FARP1: variants seen among roughly 807,000 people sequenced by gnomAD.
FARP1 encodes FERM, ARHGEF and pleckstrin domain-containing protein 1.
Under a neutral mutation model 128.8 loss-of-function variants are expected in FARP1, and 52 were observed. The observed-to-expected ratio is 0.40, with a 90% CI of 0.32 to 0.51. The LOEUF is 0.51. FARP1 is among the 20% of genes least tolerant of loss of function. The pLI, the probability that FARP1 is intolerant of heterozygous loss-of-function variation, is 0.45. For missense variants in FARP1, 1,333 were observed against 1,367.9 expected (o/e 0.97, Z 0.40); for synonymous variants, 580 against 551.8 (o/e 1.05, Z -0.72).
chr13:98,248,271 T>C (rs755619168), intron 2 of FARP1, among the ~76,000 whole-genome samples: 1 of 149,958 alleles, frequency 6.7e-6, no homozygotes, highest in Non-Finnish European at 1.5e-5. Flanking sequence ...TGAACTCTTT[T>C]CTACTGTATT....
chr13:98,386,418 T>C (rs1303586120), intron 8 of FARP1, among the ~76,000 whole-genome samples: 1 of 152,228 alleles, frequency 6.6e-6, no homozygotes, highest in Non-Finnish European at 1.5e-5. Flanking sequence ...ATGTGTGCTC[T>C]ATTGATCATT....
chr13:98,243,570 C>A (rs1407735503), intron 2 of FARP1, among the ~76,000 whole-genome samples: 1 of 151,338 alleles, frequency 6.6e-6, no homozygotes, highest in Admixed American at 6.6e-5. Context: ...TGGTGGTGGG[C>A]GCCTGTAATC....
At chr13:98,305,906 T>G (rs1886133665) in intron 2 of FARP1, among the ~76,000 whole-genome samples, 1 of 152,166 alleles carries the variant, frequency 6.6e-6, no homozygotes, top group South Asian at 2.1e-4. Context: ...AGTTTCCCTT[T>G]TCAGTTACCC....
chr13:98,302,773 G>A (rs1885976508), intron 2 of FARP1, among the ~76,000 whole-genome samples: 1 of 152,162 alleles, frequency 6.6e-6, no homozygotes. Context: ...TGATCCCTTG[G>A]GACCAGAGTA....
At chr13:98,162,667 T>C (rs1254951964) in intron 1 of FARP1, among the ~76,000 whole-genome samples, 1 of 152,178 alleles carries the variant, frequency 6.6e-6, no homozygotes, top group East Asian at 1.9e-4. Flanking sequence ...TACTTTACCC[T>C]TCATCTACCT....
chr13:98,374,129 C>A (rs1214176678), intron 5 of FARP1, among the ~76,000 whole-genome samples: 1 of 152,082 alleles, frequency 6.6e-6, no homozygotes, highest in Non-Finnish European at 1.5e-5. Context: ...TCTGTTTATT[C>A]TAAAATAAGG....
intron 14 of FARP1, 25 bp downstream of exon 14, chr13:98,409,550 GT>G: frequency 6.5e-7 from 1 of 1,548,430 alleles, no homozygotes; most frequent in Non-Finnish European, 8.8e-7. Context: ...GCTCAAGCGC[GT>G]GTGTGGCTGT....
chr13:98,438,071 A>G (rs945250873), intron 19 of FARP1, among the ~76,000 whole-genome samples: 1 of 152,140 alleles, frequency 6.6e-6, no homozygotes, highest in Non-Finnish European at 1.5e-5. Flanking sequence ...CACATGCTCA[A>G]GTGTTTGTGG....
intron 2 of FARP1, among the ~76,000 whole-genome samples, chr13:98,320,267 G>T (rs1251428754): frequency 1.3e-5 from 2 of 152,096 alleles, no homozygotes; most frequent in Non-Finnish European, 2.9e-5. Context: ...GTACCTGATC[G>T]GCCCAGGTGT....
chr13:98,148,738 T>C (rs762913793), intron 1 of FARP1, among the ~76,000 whole-genome samples: 30 of 152,356 alleles, frequency 2.0e-4, no homozygotes, highest in Non-Finnish European at 3.2e-4. Flanking sequence ...CAATTCTGTA[T>C]TGTTCCTGTA....
chr13:98,362,707 A>G (rs1310859872), intron 3 of FARP1, among the ~76,000 whole-genome samples: 2 of 152,142 alleles, frequency 1.3e-5, no homozygotes, highest in Non-Finnish European at 2.9e-5. Context: ...AATGTGTGTC[A>G]TTGTTTGTAT....
intron 1 of FARP1, chr13:98,159,350 A>G (rs924955870): frequency 6.6e-6 from 1 of 152,268 alleles, no homozygotes; most frequent in Non-Finnish European, 1.5e-5. Context: ...TTCTTGTAGT[A>G]CAGGTGTCCC....
At chr13:98,424,236 T>G (rs979236720) in intron 16 of FARP1, among the ~76,000 whole-genome samples, 8 of 152,232 alleles carry the variant, frequency 5.3e-5, no homozygotes, top group African/African-American at 1.9e-4. Flanking sequence ...GCTGACCTAA[T>G]GATGCTAAAA....
intron 2 of FARP1, among the ~76,000 whole-genome samples, chr13:98,217,622 T>C (rs1312401865): frequency 6.6e-6 from 1 of 152,218 alleles, no homozygotes; most frequent in African/African-American, 2.4e-5. Flanking sequence ...TGAGCCTCCA[T>C]GGAGGGGCCC....
chr13:98,396,516 C>T, intron 13 of FARP1: 1 of 399,116 alleles, frequency 2.5e-6, no homozygotes, highest in Middle Eastern at 6.3e-4. Context: ...AGTCTTCAGC[C>T]CGAGCAACCT....
intron 1 of FARP1, chr13:98,177,208 GTCCT>G: frequency 6.4e-7 from 1 of 1,569,454 alleles, no homozygotes; most frequent in Non-Finnish European, 8.6e-7. Context: ...TTGGTCGGCC[GTCCT>G]TCCTGGAGAA....
chr13:98,223,524 C>T (rs1260808970), intron 2 of FARP1, among the ~76,000 whole-genome samples: 1 of 152,154 alleles, frequency 6.6e-6, no homozygotes, highest in Non-Finnish European at 1.5e-5. Flanking sequence ...TGGAGTTTCA[C>T]CATATTGTCC....
intron 3 of FARP1, among the ~76,000 whole-genome samples, chr13:98,352,011 T>A (rs1888454753): frequency 6.6e-6 from 1 of 152,146 alleles, no homozygotes; most frequent in Non-Finnish European, 1.5e-5. Context: ...TGTTTCAAAA[T>A]GGATATGCAG....
chr13:98,218,506 G>A (rs960086542), intron 2 of FARP1, among the ~76,000 whole-genome samples: 8 of 152,152 alleles, frequency 5.3e-5, no homozygotes, highest in Admixed American at 5.2e-4. Context: ...GACTGTATTT[G>A]TGAATTCTCC....
Sources: gnomAD v4.1 joint callset for allele counts (sites outside exome capture counted in the v4.1 genomes callset) on GRCh38, gnomAD v4.1.1 for gene constraint, MANE v1.5 for transcripts, NCBI Gene and HGNC (gene_info 2026-07-23, HGNC 2026-07-21) for gene names.